The following CHGA variants were observed in gnomAD, a reference collection of about 807,000 sequenced individuals.
CHGA encodes the protein chromogranin A.
Under a neutral mutation model 54.4 loss-of-function variants are expected in CHGA, and 41 were observed. The observed-to-expected ratio is 0.75, with a 90% CI of 0.59 to 0.98. The LOEUF is 0.98. Among genes scored for constraint, CHGA ranks in the 50% least tolerant of loss-of-function variants. The probability of loss-of-function intolerance (pLI) is 0.00; values close to 1 mark genes in which losing one functional copy is unlikely to be tolerated. For missense variants in CHGA, 576 were observed against 582.3 expected (o/e 0.99, Z 0.11); for synonymous variants, 249 against 232.8 (o/e 1.07, Z -0.63).
intron 4 of CHGA, 130 bp from the exon 5 acceptor site, chr14:92,929,587 G>A (rs1886953932): frequency 5.2e-6 from 4 of 770,162 alleles, no homozygotes; most frequent in Non-Finnish European, 8.7e-6. Context: ...CGCCCCATCA[G>A]TGTCTCATTG....
Position 92,931,426 on chromosome 14 carries a change from G to A in CHGA, c.532G>A (p.Glu178Lys). ...CCCTGGGGAGGAAGAGGAGGAGGAG[G>A]AGGAGGCCACCAACACCCACCCTCC... ...QAPGEEEEEEEEATNTHPPAS... is the reference protein window; with the variant it reads ...QAPGEEEEEEKEATNTHPPAS... Residue 178 changes from glutamate to lysine, a missense_variant, in exon 6 of 8, where the codon GAG becomes AAG. Physicochemically the swap from Glu to Lys is moderately conservative, Grantham distance 56. Transcript: ENST00000216492. 6.2e-7 allele frequency: 1 copy of A among 1,609,760 alleles called. No homozygotes were observed.
chr14:92,927,101 G>A (rs1159779266), intron 3 of CHGA, among the ~76,000 whole-genome samples: 2 of 152,202 alleles, frequency 1.3e-5, no homozygotes, highest in Admixed American at 6.5e-5. Flanking sequence ...GGAGAAGGAC[G>A]AAATCTTTCC....
At chr14:92,926,737 T>A (rs1392862136) in intron 3 of CHGA, 39 bp downstream of exon 3, 2 of 1,558,942 alleles carry the variant, frequency 1.3e-6, no homozygotes, top group Non-Finnish European at 1.8e-6. Flanking sequence ...TGCTGCCTGC[T>A]GGGCTGGGAG....
intron 2 of CHGA, chr14:92,926,279 T>G: frequency 3.1e-6 from 1 of 324,960 alleles, no homozygotes; most frequent in South Asian, 6.0e-5. Flanking sequence ...TTTCTCATGT[T>G]TAGAGAAATA....
Position 92,932,566 on chromosome 14 carries a change from G to A in CHGA, c.1005G>A (p.Glu335=), listed in dbSNP as rs1463807046. 1 of 1,559,668 alleles carries A rather than the reference G, an allele frequency of 6.4e-7. No individual in the cohort carries two copies. The highest frequency in any genetic ancestry group is 1.4e-5 in the African/African-American group (1 of 73,788). ...AGGAGGAGGAGCGGCTCTCCAAGGAGTGGGAGGACTCCAAACGCTGGAGCA... is the reference window on the plus strand; with the variant it reads ...AGGAGGAGGAGCGGCTCTCCAAGGAATGGGAGGACTCCAAACGCTGGAGCA... The part of the protein sequence containing the change: ...LEQEEERLSK[E]WEDSKRWSKM... Residue 335 remains glutamate, a synonymous_variant, in exon 7 of 8, where the codon GAG becomes GAA. Coordinates refer to ENST00000216492, the MANE Select transcript of CHGA (RefSeq NM_001275.4). The surrounding 1 kb of genome is among the most constrained non-coding windows in gnomAD (Gnocchi z 5.3).
Position 92,935,229 on chromosome 14 carries a change from G to A in CHGA, c.*345G>A. 3.3e-6 allele frequency: 1 copy of A among 303,750 alleles called. No individual in the cohort carries two copies. 18.8% of individuals were successfully genotyped at this position (303,750 alleles called of 1,614,324 possible). A position where few individuals can be genotyped will look rare whatever the true frequency, so the allele number is the denominator to read the frequency against. On this transcript the variant is annotated 3_prime_UTR_variant, in exon 8 of 8. Transcript: ENST00000216492. ...TGGTGAAAGCTGAGAACTCCTGACT[G>A]TAACATATTCTGTATGAACTTTATC...
In CHGA at chr14:92,931,578, A is replaced by AGAGGAG. The variant is rs371215355; in HGVS notation, c.704_709dup (p.Glu235_Glu236dup). ...AGCCAGGGTGGCAGGCAAAGAGAGAAGAGGAGGAGGAGGAGGAGGAGGAGG... is the reference window on the plus strand; with the variant it reads ...AGCCAGGGTGGCAGGCAAAGAGAGAAGAGGAGGAGGAGGAGGAGGAGGAGGAGGAGG... On this transcript the variant is annotated inframe_insertion, in exon 6 of 8. Coordinates refer to ENST00000216492, the MANE Select transcript of CHGA (RefSeq NM_001275.4). 5.8e-5 allele frequency: 94 copies of AGAGGAG among 1,610,716 alleles called. No homozygotes were observed. The highest frequency in any genetic ancestry group is 1.8e-4 in the East Asian group (8 of 44,772).
Position 92,926,697 on chromosome 14 carries a change from A to T in CHGA, c.186A>T (p.Gly62=). The change falls in exon 3 of 8, where the codon GGA becomes GGT. Residue 62 remains glycine (G), a splice_region_variant and synonymous_variant. Transcript: ENST00000216492. ...VSQECFETLR[G]DERILSILRH... is the part of the protein sequence containing the mutation. ...AGGAATGTTTTGAGACACTCCGAGG[A>T]GGTATGAGCTGGAGGCTAGGGGTGA... 6.2e-7 allele frequency: 1 copy of T among 1,613,590 alleles called. No homozygotes were observed. Among genetic ancestry groups the T allele is most frequent in the Non-Finnish European group, 8.5e-7 (1 of 1,179,850 alleles).
At chr14:92,924,071 C>T in intron 1 of CHGA, 128 bp from the exon 2 acceptor site, 1 of 1,057,416 alleles carries the variant, frequency 9.5e-7, no homozygotes, top group East Asian at 2.6e-5. Flanking sequence ...CAGCCCTAGC[C>T]TCTCTTTTTG....
intron 7 of CHGA, 92 bp from the exon 8 acceptor site, chr14:92,934,709 G>A (rs1463137565): frequency 3.3e-6 from 3 of 899,040 alleles, no homozygotes; most frequent in Non-Finnish European, 5.3e-6. Context: ...ACCTGTCCGA[G>A]GCCACACAGC....
Position 92,930,041 on chromosome 14 carries a change from C to T in CHGA, c.355+226C>T, listed in dbSNP as rs149065957. On this transcript the variant is annotated intron_variant, in intron 5 of 7. Transcript: ENST00000216492. ...TGGTCCTGCCTCACACCAAAGCCCT[C>T]GCTCGGTCCCGTCTGCCCAGAAGAG... Among the ~76,000 whole-genome samples, 4 of 152,320 alleles carry T rather than the reference C, an allele frequency of 2.6e-5. No individual in the cohort carries two copies. The East Asian group carries it at 7.7e-4, about 29-fold the overall frequency.
intron 5 of CHGA, among the ~76,000 whole-genome samples, chr14:92,930,608 G>A (rs1330070994): frequency 6.6e-6 from 1 of 152,216 alleles, no homozygotes; most frequent in Non-Finnish European, 1.5e-5. Context: ...ACTGTGAGAT[G>A]GACAGGTCAT....
Position 92,932,969 on chromosome 14 carries a change from G to A in CHGA, c.1290+118G>A. ...ACAGGGCCCCCCCGCCGAAGTCTGG[G>A]GATGGAGAGATGCTCAGACCGGGGG... On this transcript the variant is annotated intron_variant, in intron 7 of 7. Transcript: ENST00000216492. This position sits in a 1 kb window ranked among gnomAD's most constrained non-coding sequence, Gnocchi z 5.3. 2 of 1,400,782 alleles carry A rather than the reference G, an allele frequency of 1.4e-6. No individual in the cohort carries two copies. Among genetic ancestry groups the A allele is most frequent in the African/African-American group, 2.9e-5 (2 of 68,912 alleles). 86.8% of individuals were successfully genotyped at this position (1,400,782 alleles called of 1,614,324 possible).
chr14:92,928,234 T>A (rs735726), intron 4 of CHGA, among the ~76,000 whole-genome samples: 37,704 of 152,082 alleles, frequency 0.25, 4,836 homozygotes, highest in Middle Eastern at 0.39. Context: ...AGCGAGAGTG[T>A]TTTTCAGGGC....
At chr14:92,929,915 C>T (rs1886962163) in intron 5 of CHGA, 100 bp downstream of exon 5, 1 of 857,260 alleles carries the variant, frequency 1.2e-6, no homozygotes, top group East Asian at 2.6e-5. Flanking sequence ...GGAGCCCCAC[C>T]CATAATCCCT....
intron 7 of CHGA, among the ~76,000 whole-genome samples, chr14:92,933,731 A>C: frequency 6.6e-6 from 1 of 152,186 alleles, no homozygotes; most frequent in Non-Finnish European, 1.5e-5. Flanking sequence ...AGAAGGCTCC[A>C]TGTTGGCAGC....
chr14:92,930,017 G>C (rs916362006), intron 5 of CHGA, among the ~76,000 whole-genome samples: 1 of 152,186 alleles, frequency 6.6e-6, no homozygotes, highest in East Asian at 1.9e-4. Context: ...GTTTCGATCT[G>C]GTCCTGCCTC....
chr14:92,933,173 G>T (rs1242873715), intron 7 of CHGA: 5 of 237,538 alleles, frequency 2.1e-5, no homozygotes, highest in Non-Finnish European at 4.1e-5. Context: ...TCCCCTCCTG[G>T]CCCCCAGGCA....
intron 2 of CHGA, 25 bp from the exon 3 acceptor site, chr14:92,926,580 A>G: frequency 1.2e-6 from 2 of 1,609,660 alleles, no homozygotes; most frequent in African/African-American, 1.3e-5. Flanking sequence ...ACCAGCCCCA[A>G]CCTGCCCCTG....
Sources: gnomAD v4.1 joint callset for allele counts (sites outside exome capture counted in the v4.1 genomes callset) on GRCh38, gnomAD v4.1.1 for gene constraint, Gnocchi (gnomAD v3.1) non-coding constraint, MANE v1.5 for transcripts, NCBI Gene and HGNC (gene_info 2026-07-23, HGNC 2026-07-21) for gene names.